Variants in IKZF3 observed in about 807,000 individuals in gnomAD.
IKZF3 encodes IKAROS family zinc finger 3, also known as zinc finger protein Aiolos.
A neutral mutation model predicts 49.0 loss-of-function variants in IKZF3; 10 were observed. That is an observed-to-expected ratio of 0.20 (90% confidence interval 0.13 to 0.35). IKZF3 has a LOEUF of 0.35. Ranked by LOEUF, IKZF3 falls within the 10% of genes least tolerant of loss-of-function variation. The probability of loss-of-function intolerance (pLI) is 1.00; values close to 1 mark genes in which losing one functional copy is unlikely to be tolerated. For missense variants in IKZF3, 498 were observed against 664.8 expected, an observed-to-expected ratio of 0.75 and a Z score of 2.76; for synonymous variants, 209 against 228.2, an observed-to-expected ratio of 0.92 and a Z score of 0.76.
chr17:39,807,544 ATTTTTTTTTT>A (rs890371023), intron 3 of IKZF3, among the ~76,000 whole-genome samples: 8 of 80,782 alleles, frequency 9.9e-5, no homozygotes, highest in Admixed American at 3.5e-4. Context: ...GACTATTTAA[ATTTTTTTTTT>A]TTTTTTTTTT....
intron 1 of IKZF3, among the ~76,000 whole-genome samples, chr17:39,856,294 T>C (rs1029766841): frequency 6.6e-6 from 1 of 152,050 alleles, no homozygotes; most frequent in Non-Finnish European, 1.5e-5. Context: ...CTTTTTTATT[T>C]ATTTATTTTT....
At chr17:39,858,656 G>A (rs1047701041) in intron 1 of IKZF3, among the ~76,000 whole-genome samples, 5 of 151,378 alleles carry the variant, frequency 3.3e-5, no homozygotes, top group African/African-American at 7.3e-5. Context: ...GACTACAGGC[G>A]CCTGTAACCA....
intron 7 of IKZF3, among the ~76,000 whole-genome samples, chr17:39,772,854 C>A (rs181162246): frequency 6.6e-6 from 1 of 152,218 alleles, no homozygotes; most frequent in Admixed American, 6.5e-5. Context: ...GAAACAGAGT[C>A]TTGCTCTGTT....
intron 7 of IKZF3, among the ~76,000 whole-genome samples, chr17:39,774,586 A>C (rs1472763095): frequency 6.6e-6 from 1 of 152,214 alleles, no homozygotes; most frequent in Admixed American, 6.5e-5. Flanking sequence ...TCAATTAAAT[A>C]ATTTAAGGGG....
chr17:39,778,387 T>C (rs2060644162), intron 6 of IKZF3, among the ~76,000 whole-genome samples: 2 of 152,152 alleles, frequency 1.3e-5, no homozygotes, highest in Admixed American at 6.5e-5. Flanking sequence ...ATCTGTTTCA[T>C]ATGCTCTTCA....
chr17:39,854,325 ACAAG>A (rs1357212503), intron 1 of IKZF3, among the ~76,000 whole-genome samples: 3 of 152,052 alleles, frequency 2.0e-5, no homozygotes. Flanking sequence ...AAAAAAAAAA[ACAAG>A]CAAGGAAATA....
intron 3 of IKZF3, among the ~76,000 whole-genome samples, chr17:39,825,364 C>T (rs576323448): frequency 6.6e-6 from 1 of 152,224 alleles, no homozygotes; most frequent in African/African-American, 2.4e-5. Context: ...ATGTGCTATG[C>T]AAGATCACAG....
Position 39,790,687 on chromosome 17 carries a change from A to G in IKZF3, c.592+729T>C, listed in dbSNP as rs529296737. Reference sequence around the variant, plus strand: ...AAAAAAAAGTATTATCTTGGTCAAAATAAGGAGTAAAAACATCACGACAGC... The same window carrying G: ...AAAAAAAAGTATTATCTTGGTCAAAGTAAGGAGTAAAAACATCACGACAGC... On this transcript the variant is annotated intron_variant, in intron 5 of 7. Transcript: ENST00000346872. Among the ~76,000 whole-genome samples the G allele has an allele frequency of 8.2e-4, 125 of 152,258 alleles. 2 individuals are homozygous for G. Among genetic ancestry groups the G allele is most frequent in the African/African-American group, 3.0e-3 (123 of 41,482 alleles).
intron 1 of IKZF3, among the ~76,000 whole-genome samples, chr17:39,849,277 A>G (rs2062726016): frequency 6.9e-6 from 1 of 144,690 alleles, no homozygotes; most frequent in East Asian, 2.0e-4. Context: ...CTACTAAAAC[A>G]ATACAAAAAT....
At chr17:39,829,557 A>G in intron 2 of IKZF3, 69 bp from the exon 3 acceptor site, 1 of 1,054,110 alleles carries the variant, frequency 9.5e-7, no homozygotes, top group Non-Finnish European at 1.4e-6. Context: ...TATATTAAGT[A>G]GACCCCCATT....
At chr17:39,853,226 C>A (rs2062932066) in intron 1 of IKZF3, among the ~76,000 whole-genome samples, 1 of 152,074 alleles carries the variant, frequency 6.6e-6, no homozygotes, top group African/African-American at 2.4e-5. Flanking sequence ...GCCTTTTTTA[C>A]CACTGTATTG....
chr17:39,783,615 C>T (rs1168249099), intron 6 of IKZF3, among the ~76,000 whole-genome samples: 5 of 152,194 alleles, frequency 3.3e-5, no homozygotes, highest in East Asian at 1.9e-4. Context: ...CCACCGCGCC[C>T]GGCCAGTATT....
Position 39,766,444 on chromosome 17 carries a change from A to G in IKZF3, c.876T>C (p.Tyr292=), listed in dbSNP as rs2060295892. ...FDVNYNSSYM[Y]EKESELIQTR... ...TCTGTATGAGCTCACTCTCTTTCTC[A>G]TACATGTAACTTGAATTATAGTTGA... The change falls in exon 8 of 8, where the codon TAT becomes TAC. Residue 292 remains tyrosine, a synonymous_variant. Coordinates refer to ENST00000346872, the MANE Select transcript of IKZF3 (RefSeq NM_012481.5). 1.2e-6 allele frequency: 2 copies of G among 1,613,544 alleles called. No homozygotes were observed.
chr17:39,803,601 C>T (rs1196573500), intron 3 of IKZF3, among the ~76,000 whole-genome samples: 3 of 151,678 alleles, frequency 2.0e-5, no homozygotes, highest in Non-Finnish European at 4.4e-5. Context: ...GCAACCTCCA[C>T]CTCCCGGGTT....
chr17:39,782,651 A>G (rs1179843950), intron 6 of IKZF3, among the ~76,000 whole-genome samples: 1 of 152,092 alleles, frequency 6.6e-6, no homozygotes, highest in Non-Finnish European at 1.5e-5. Context: ...CAGTTTGGCA[A>G]GATAGTAAGG....
intron 7 of IKZF3, among the ~76,000 whole-genome samples, chr17:39,771,444 A>G (rs2060440387): frequency 1.3e-5 from 2 of 152,262 alleles, no homozygotes; most frequent in Admixed American, 1.3e-4. Flanking sequence ...TGCAGCATGT[A>G]CATCATTTCA....
At chr17:39,769,671 T>C (rs1333108708) in intron 7 of IKZF3, among the ~76,000 whole-genome samples, 1 of 152,198 alleles carries the variant, frequency 6.6e-6, no homozygotes, top group Non-Finnish European at 1.5e-5. Flanking sequence ...TTATTGGTTA[T>C]TTTCCACTGT....
chr17:39,820,381 A>G (rs147236384), intron 3 of IKZF3, among the ~76,000 whole-genome samples: 300 of 152,356 alleles, frequency 2.0e-3, no homozygotes, highest in Admixed American at 4.8e-3. Flanking sequence ...TGTGAATATA[A>G]TGCTCAAAAC....
intron 5 of IKZF3, among the ~76,000 whole-genome samples, chr17:39,788,842 T>C (rs943859164): frequency 6.6e-6 from 1 of 152,248 alleles, no homozygotes; most frequent in Non-Finnish European, 1.5e-5. Flanking sequence ...TTTCAGAACA[T>C]TGACATATTT....
Sources: allele counts gnomAD v4.1 joint callset (sites outside exome capture counted in the v4.1 genomes callset), GRCh38; gene constraint gnomAD v4.1.1; transcripts MANE v1.5; gene names NCBI Gene and HGNC (gene_info 2026-07-23, HGNC 2026-07-21).